The following KDM5B variants were observed in gnomAD, a reference collection of about 807,000 sequenced individuals.
KDM5B encodes the protein lysine-specific demethylase 5B.
Under a neutral mutation model 193.4 loss-of-function variants are expected in KDM5B, and 144 were observed. The ratio of observed to expected loss-of-function variants is 0.74; its 90% confidence interval spans 0.65 to 0.86. The LOEUF (loss-of-function observed/expected upper bound fraction) is 0.86, where lower values mean the gene tolerates loss of function less well. KDM5B is among the 40% of genes least tolerant of loss of function. The pLI, the probability that KDM5B is intolerant of heterozygous loss-of-function variation, is 0.00. For missense variants in KDM5B, 1,833 were observed against 1,886.9 expected (o/e 0.97, Z 0.53); for synonymous variants, 668 against 682.6 (o/e 0.98, Z 0.33).
rs748556305 is a variant in KDM5B at position 202,733,865 on chromosome 1, G to A, written c.3445C>T (p.Arg1149Cys). The A allele has an allele frequency of 1.2e-6, 2 of 1,611,644 alleles. No individual in the cohort carries two copies. Among genetic ancestry groups the A allele is most frequent in the South Asian group, 1.1e-5 (1 of 90,886 alleles). ...TGCAAGGCTTCCATTTCCCTTAGGC[G>A]AGCTTCCCCAAGAGTTGCCATCTGA... ...ASAMATLGEARLREMEALQSL... is the reference protein window; with the variant it reads ...ASAMATLGEACLREMEALQSL... Residue 1149 changes from arginine to cysteine, a missense_variant, in exon 23 of 27, where the codon CGC (arginine) becomes TGC (cysteine). By Grantham distance (180) the Arg-to-Cys change is radical. Coordinates refer to ENST00000367265, the MANE Select transcript of KDM5B (RefSeq NM_006618.5).
At position 202,779,844 on chromosome 1, in the gene KDM5B, T is replaced by A. The variant is rs61325559; in HGVS notation, c.205-2750A>T. Among the ~76,000 whole-genome samples, 284 of 145,938 alleles carry A rather than the reference T, an allele frequency of 1.9e-3. 1 individual carries two copies. Among genetic ancestry groups the A allele is most frequent in the African/African-American group, 6.6e-3 (258 of 39,008 alleles). ...ATAAATAAATAAATAAATAAATAAA[T>A]AAAAAATAAAGGAAGAAAAAACAAA... On this transcript the variant is annotated intron_variant, in intron 1 of 26. Coordinates refer to ENST00000367265, the MANE Select transcript of KDM5B (RefSeq NM_006618.5).
chr1:202,777,345 A>G, intron 1 of KDM5B, among the ~76,000 whole-genome samples: 1 of 89,208 alleles, frequency 1.1e-5, no homozygotes, highest in African/African-American at 3.2e-5. Context: ...AATGTCATTG[A>G]GCCTGTAAAA....
At chr1:202,772,298 T>TTC (rs2102294616) in intron 4 of KDM5B, among the ~76,000 whole-genome samples, 1 of 152,350 alleles carries the variant, frequency 6.6e-6, no homozygotes, top group African/African-American at 2.4e-5. Context: ...CCTAAAAGTT[T>TTC]TTAAGTGAAT....
chr1:202,802,725 C>A (rs1658126495), intron 1 of KDM5B, among the ~76,000 whole-genome samples: 1 of 152,094 alleles, frequency 6.6e-6, no homozygotes, highest in Non-Finnish European at 1.5e-5. Context: ...AAAATTCCCC[C>A]ACTGGCAGAT....
At chr1:202,756,858 A>C (rs931262884) in intron 9 of KDM5B, among the ~76,000 whole-genome samples, 1 of 152,248 alleles carries the variant, frequency 6.6e-6, no homozygotes, top group African/African-American at 2.4e-5. Flanking sequence ...CAGCACAGTA[A>C]TAAGGTTTGT....
At chr1:202,754,714 G>A (rs957764484) in intron 11 of KDM5B, among the ~76,000 whole-genome samples, 10 of 152,110 alleles carry the variant, frequency 6.6e-5, no homozygotes, top group Admixed American at 6.5e-4. Flanking sequence ...GCAGAGTTTC[G>A]CTCTGTTGCC....
At chr1:202,746,882 A>G (rs1281280897) in intron 14 of KDM5B, among the ~76,000 whole-genome samples, 2 of 152,234 alleles carry the variant, frequency 1.3e-5, no homozygotes, top group Non-Finnish European at 2.9e-5. Flanking sequence ...GTGCAATAGC[A>G]AAGACTAAAG....
chr1:202,755,395 G>A lies in KDM5B; in HGVS notation c.1414C>T (p.Leu472Phe), dbSNP rs778883938. Residue 472 changes from leucine to phenylalanine, a missense_variant, in exon 11 of 27, where the codon CTT (leucine) becomes TTT (phenylalanine). Coordinates refer to ENST00000367265, the MANE Select transcript of KDM5B (RefSeq NM_006618.5). ...CATATATCAGCAGTAATATGTGCAA[G>A]GACAGACTGCTCCATCACTGGCATG... The part of the protein sequence containing the change: ...NNMPVMEQSV[L>F]AHITADICGM... 3.7e-6 allele frequency: 6 copies of A among 1,613,752 alleles called. No individual in the cohort carries two copies. In the Admixed American group the frequency reaches 6.7e-5, roughly 18 times the overall value.
intron 18 of KDM5B, 44 bp downstream of exon 18, chr1:202,742,347 A>G (rs1472809982): frequency 7.5e-7 from 1 of 1,324,658 alleles, no homozygotes; most frequent in Admixed American, 1.7e-5. Context: ...TATACAAAAT[A>G]CAGGATTACC....
At chr1:202,779,929 C>T (rs925872918) in intron 1 of KDM5B, among the ~76,000 whole-genome samples, 17 of 151,850 alleles carry the variant, frequency 1.1e-4, no homozygotes, top group Admixed American at 7.9e-4. Flanking sequence ...TATGGTATTA[C>T]AATAACATTG....
At position 202,742,651 on chromosome 1, in the gene KDM5B, ATACC is replaced by A; in HGVS notation, c.2474_2474+3del. On this transcript the variant is annotated splice_donor_variant and splice_donor_region_variant and coding_sequence_variant and intron_variant, in exon 17 of 27. Coordinates refer to ENST00000367265, the MANE Select transcript of KDM5B (RefSeq NM_006618.5). LOFTEE classifies it high-confidence loss of function. The stretch of plus-strand genomic sequence containing the variant: ...TCCAAACTCACGCAGTCAGAAGCGC[ATACC>A]TAGTTTGCCTTTTGCCATTAAGCAA... The A allele has an allele frequency of 6.2e-7, 1 of 1,613,960 alleles. No individual in the cohort carries two copies. Among genetic ancestry groups the A allele is most frequent in the Non-Finnish European group, 8.5e-7 (1 of 1,179,886 alleles).
At chr1:202,744,326 G>A (rs1433627747) in intron 16 of KDM5B, among the ~76,000 whole-genome samples, 13 of 152,194 alleles carry the variant, frequency 8.5e-5, no homozygotes, top group Admixed American at 6.5e-4. Context: ...TTGGGAGGCC[G>A]AGGCAGGCAG....
chr1:202,740,909 T>C, intron 19 of KDM5B, 97 bp from the exon 20 acceptor site: 3 of 1,259,386 alleles, frequency 2.4e-6, no homozygotes, highest in Non-Finnish European at 3.3e-6. Flanking sequence ...AAATTCAGTA[T>C]GGCAAATAAT....
Position 202,733,591 on chromosome 1 carries a change from T to C in KDM5B, c.3719A>G (p.Gln1240Arg). ...CTCAGGAAGGCGAACTCGGATACGC[T>C]GAAGGGAGGCGAGCAGGGGCAGAAT... ...EKILPLLASL[Q>R]RIRVRLPEGD... Residue 1240 changes from glutamine (Q) to arginine (R), a missense_variant, in exon 23 of 27, where the codon CAG becomes CGG. This residue lies in a region of KDM5B where 1,379 missense variants were observed against 1,349.6 expected (regional missense o/e 1.02). Transcript: ENST00000367265. 6.2e-7 allele frequency: 1 copy of C among 1,614,142 alleles called. No individual in the cohort carries two copies. The highest frequency in any genetic ancestry group is 8.5e-7 in the Non-Finnish European group (1 of 1,180,018).
At chr1:202,769,705 CA>C (rs1656633087) in intron 4 of KDM5B, among the ~76,000 whole-genome samples, 1 of 124,794 alleles carries the variant, frequency 8.0e-6, no homozygotes, top group Non-Finnish European at 1.7e-5. Context: ...AATTATGAGA[CA>C]AATTAAACAC....
chr1:202,742,867 A>C, intron 16 of KDM5B, 62 bp from the exon 17 acceptor site: 1 of 1,395,664 alleles, frequency 7.2e-7, no homozygotes, highest in African/African-American at 1.4e-5. Context: ...ACTGGTATGA[A>C]ATTCAGAGGA....
chr1:202,758,565 G>A (rs1656112659), intron 8 of KDM5B, 55 bp from the exon 9 acceptor site: 1 of 1,434,054 alleles, frequency 7.0e-7, no homozygotes, highest in Non-Finnish European at 9.5e-7. Flanking sequence ...AAGTATACTT[G>A]GTCAATCATC....
chr1:202,763,996 T>C, intron 6 of KDM5B, 53 bp downstream of exon 6: 1 of 1,002,512 alleles, frequency 1.0e-6, no homozygotes, highest in Non-Finnish European at 1.5e-6. Context: ...TTATGAATAG[T>C]TATTTTTACT....
At chr1:202,779,669 G>A (rs1029168240) in intron 1 of KDM5B, among the ~76,000 whole-genome samples, 1 of 151,732 alleles carries the variant, frequency 6.6e-6, no homozygotes, top group Non-Finnish European at 1.5e-5. Context: ...CGGGTGTGGT[G>A]ACACATGCCT....
Sources: gnomAD v4.1 joint callset for allele counts (sites outside exome capture counted in the v4.1 genomes callset) on GRCh38, gnomAD v4.1.1 for gene constraint, gnomAD v4.1.1 regional missense constraint, MANE v1.5 for transcripts, NCBI Gene and HGNC (gene_info 2026-07-23, HGNC 2026-07-21) for gene names.